Variants in KLHL1 observed in about 807,000 individuals in gnomAD.
The protein encoded by KLHL1 is kelch-like protein 1.
Under a neutral mutation model 77.7 loss-of-function variants are expected in KLHL1, and 47 were observed. That is an observed-to-expected ratio of 0.60 (90% CI 0.48 to 0.77). KLHL1 has a LOEUF of 0.77. KLHL1 is among the 30% of genes least tolerant of loss of function. KLHL1 has a pLI of 0.00. For missense variants in KLHL1, 925 were observed against 910.8 expected (o/e 1.02, Z -0.20); for synonymous variants, 360 against 325.2 (o/e 1.11, Z -1.15).
intron 6 of KLHL1, among the ~76,000 whole-genome samples, chr13:69,826,234 T>G (rs1878541863): frequency 6.6e-6 from 1 of 152,122 alleles, no homozygotes; most frequent in Non-Finnish European, 1.5e-5. Flanking sequence ...GAAAAAGGAA[T>G]AAGTTAGAGA....
At chr13:69,807,544 A>T (rs112390105) in intron 6 of KLHL1, among the ~76,000 whole-genome samples, 12,286 of 152,048 alleles carry the variant, frequency 0.081, 568 homozygotes, top group Non-Finnish European at 0.099. Context: ...CACACTCCCC[A>T]TGTAGTTCAC....
At position 69,778,483 on chromosome 13, in the gene KLHL1, C is replaced by A. The variant is rs141700182; in HGVS notation, c.1639+18255G>T. ...AGTCCACAAATTCTTAACATCATTGCCGAATATAGTATCTTATATTCCTTA... is the reference window on the plus strand; with the variant it reads ...AGTCCACAAATTCTTAACATCATTGACGAATATAGTATCTTATATTCCTTA... On this transcript the variant is annotated intron_variant, in intron 7 of 10. Transcript: ENST00000377844. Among the ~76,000 whole-genome samples, 112 of 151,472 alleles carry A rather than the reference C, an allele frequency of 7.4e-4. 1 individual carries two copies. The highest frequency in any genetic ancestry group is 2.7e-3 in the African/African-American group (110 of 40,866).
chr13:69,990,030 C>T (rs1884985196), intron 1 of KLHL1, among the ~76,000 whole-genome samples: 1 of 151,924 alleles, frequency 6.6e-6, no homozygotes, highest in South Asian at 2.1e-4. Flanking sequence ...ATTCAACATT[C>T]TTAAAGAAAA....
intron 7 of KLHL1, among the ~76,000 whole-genome samples, chr13:69,786,110 C>G (rs546119524): frequency 6.6e-6 from 1 of 152,280 alleles, no homozygotes; most frequent in South Asian, 2.1e-4. Context: ...CCTTCTGAAA[C>G]TATTCCAATC....
chr13:70,091,985 T>C (rs1411101470), intron 1 of KLHL1, among the ~76,000 whole-genome samples: 1 of 152,164 alleles, frequency 6.6e-6, no homozygotes, highest in Non-Finnish European at 1.5e-5. Flanking sequence ...TACCCATATA[T>C]TTCTGGTGTC....
At chr13:69,733,618 A>C (rs929120199) in intron 8 of KLHL1, among the ~76,000 whole-genome samples, 1 of 152,208 alleles carries the variant, frequency 6.6e-6, no homozygotes, top group Non-Finnish European at 1.5e-5. Context: ...ATGTTTGATC[A>C]CATCAGTTCT....
intron 7 of KLHL1, among the ~76,000 whole-genome samples, chr13:69,743,078 G>T (rs746036094): frequency 6.6e-6 from 1 of 152,142 alleles, no homozygotes; most frequent in African/African-American, 2.4e-5. Flanking sequence ...TTTAGAATAC[G>T]TTGTGTGCCT....
intron 1 of KLHL1, among the ~76,000 whole-genome samples, chr13:70,036,221 C>T (rs536462607): frequency 1.3e-5 from 2 of 151,936 alleles, no homozygotes; most frequent in South Asian, 2.1e-4. Flanking sequence ...AACATTGCTG[C>T]TAGGGTTACT....
At chr13:69,875,495 C>T (rs1880730382) in intron 5 of KLHL1, among the ~76,000 whole-genome samples, 1 of 152,084 alleles carries the variant, frequency 6.6e-6, no homozygotes, top group Admixed American at 6.6e-5. Flanking sequence ...AGCAGAAACA[C>T]TTAATATATT....
intron 7 of KLHL1, among the ~76,000 whole-genome samples, chr13:69,774,015 A>G (rs1269198163): frequency 3.3e-5 from 5 of 151,962 alleles, no homozygotes; most frequent in African/African-American, 1.2e-4. Context: ...CAATTGTGTT[A>G]ACTAATTTGT....
intron 7 of KLHL1, among the ~76,000 whole-genome samples, chr13:69,760,287 T>C (rs1874959159): frequency 6.6e-6 from 1 of 152,034 alleles, no homozygotes; most frequent in Non-Finnish European, 1.5e-5. Context: ...GTAAACACCT[T>C]ATCCAGAATT....
chr13:69,953,625 G>GAATAT (rs143474509), intron 3 of KLHL1, among the ~76,000 whole-genome samples: 1,557 of 151,142 alleles, frequency 0.01, 26 homozygotes, highest in African/African-American at 0.035. Flanking sequence ...ATAAAATCAT[G>GAATAT]AATATACAAT....
At chr13:69,815,588 A>C (rs1281904102) in intron 6 of KLHL1, among the ~76,000 whole-genome samples, 1 of 152,168 alleles carries the variant, frequency 6.6e-6, no homozygotes, top group Non-Finnish European at 1.5e-5. Context: ...AGTGTTGAAA[A>C]ACTATCATCC....
chr13:69,852,027 T>C (rs995651578), intron 5 of KLHL1, among the ~76,000 whole-genome samples: 1 of 151,902 alleles, frequency 6.6e-6, no homozygotes, highest in Admixed American at 6.6e-5. Context: ...AAAATGCTTG[T>C]AAAATAGAAA....
At chr13:69,896,559 A>G (rs975710913) in intron 4 of KLHL1, among the ~76,000 whole-genome samples, 9 of 152,194 alleles carry the variant, frequency 5.9e-5, no homozygotes, top group African/African-American at 7.2e-5. Flanking sequence ...TCAGTCATTC[A>G]ATAAAATGTT....
At chr13:69,958,828 A>T (rs1883975290) in intron 3 of KLHL1, among the ~76,000 whole-genome samples, 1 of 151,388 alleles carries the variant, frequency 6.6e-6, no homozygotes, top group Admixed American at 6.6e-5. Flanking sequence ...GAATATATTT[A>T]TTTTTAGCTT....
At position 69,912,821 on chromosome 13, in the gene KLHL1, C is replaced by T. The variant is rs17085638; in HGVS notation, c.1014+27219G>A. 4.7e-3 allele frequency among the ~76,000 whole-genome samples: 717 copies of T among 152,164 alleles called. 7 individuals carry two copies. The highest frequency in any genetic ancestry group is 0.016 in the African/African-American group (667 of 41,518). ...CCCTTGGCTGGTTCCTGAAGAGGCC[C>T]CATGCTGCTTGAGTCCTGCTGGGAG... On this transcript the variant is annotated intron_variant, in intron 4 of 10. Transcript: ENST00000377844.
chr13:70,084,458 C>CTTTTTTT (rs1386556599), intron 1 of KLHL1, among the ~76,000 whole-genome samples: 6 of 62,772 alleles, frequency 9.6e-5, no homozygotes, highest in African/African-American at 4.2e-4. Context: ...TCTATTTCTT[C>CTTTTTTT]TTCTTCTTTT....
intron 1 of KLHL1, among the ~76,000 whole-genome samples, chr13:70,043,420 A>C (rs1261066269): frequency 6.6e-6 from 1 of 152,130 alleles, no homozygotes; most frequent in Admixed American, 6.6e-5. Flanking sequence ...AAAGAAAAAT[A>C]AATAAATTTA....
Sources: gnomAD v4.1 joint callset for allele counts (sites outside exome capture counted in the v4.1 genomes callset) on GRCh38, gnomAD v4.1.1 for gene constraint, MANE v1.5 for transcripts, NCBI Gene and HGNC (gene_info 2026-07-23, HGNC 2026-07-21) for gene names.